Variants in SYT2 observed in about 807,000 individuals in gnomAD.
The protein encoded by SYT2 is synaptotagmin 2, also known as synaptotagmin-2.
Under a neutral mutation model 39.9 loss-of-function variants are expected in SYT2, and 15 were observed. The ratio of observed to expected loss-of-function variants is 0.38; its 90% CI spans 0.25 to 0.58. SYT2 has a LOEUF of 0.58. Among genes scored for constraint, SYT2 ranks in the 20% least tolerant of loss-of-function variants. The pLI is 0.70. For synonymous variants in SYT2, 181 were observed against 204.5 expected (o/e 0.89, Z 0.98); for missense variants, 389 against 530.3 (o/e 0.73, Z 2.62).
At chr1:202,612,712 C>G (rs1054787334) in intron 1 of SYT2, among the ~76,000 whole-genome samples, 5 of 152,184 alleles carry the variant, frequency 3.3e-5, no homozygotes, top group Admixed American at 2.0e-4. Context: ...GGGTTCCTTG[C>G]ATTTCCATAT....
chr1:202,642,229 C>G (rs555258648), intron 1 of SYT2, among the ~76,000 whole-genome samples: 1 of 152,268 alleles, frequency 6.6e-6, no homozygotes, highest in East Asian at 1.9e-4. Flanking sequence ...GCTGCGTTCA[C>G]AGCTCCACTT....
At chr1:202,682,997 G>A (rs113362842) in intron 1 of SYT2, among the ~76,000 whole-genome samples, 6 of 152,232 alleles carry the variant, frequency 3.9e-5, no homozygotes, top group African/African-American at 1.4e-4. Flanking sequence ...TTTGGAAAGG[G>A]GCTCAATTAT....
In SYT2 at chr1:202,704,311, G is replaced by A. The variant is rs1654194469; in HGVS notation, c.-18+5947C>T. On this transcript the variant is annotated intron_variant, in intron 1 of 8. Coordinates refer to ENST00000367268, the MANE Select transcript of SYT2 (RefSeq NM_177402.5). The stretch of plus-strand genomic sequence containing the variant: ...GAGAGGAGGAGAAACAACATGCCCT[G>A]GCCTTGGGGAGCGCCCAGGCTGATA... Among the ~76,000 whole-genome samples the A allele has an allele frequency of 2.0e-5, 3 of 152,186 alleles. No individual in the cohort carries two copies. The South Asian group carries it at 6.2e-4, about 32-fold the overall frequency.
intron 1 of SYT2, among the ~76,000 whole-genome samples, chr1:202,671,908 C>T (rs887505615): frequency 1.3e-5 from 2 of 152,314 alleles, no homozygotes; most frequent in South Asian, 2.1e-4. Context: ...AAAAATTTCT[C>T]TCCAGGGAAG....
At chr1:202,675,575 C>T (rs1653345013) in intron 1 of SYT2, among the ~76,000 whole-genome samples, 1 of 152,082 alleles carries the variant, frequency 6.6e-6, no homozygotes, top group South Asian at 2.1e-4. Context: ...GTTTCTAACC[C>T]ACATGTGGAT....
intron 1 of SYT2, among the ~76,000 whole-genome samples, chr1:202,644,559 C>A (rs560511524): frequency 1.4e-4 from 21 of 152,260 alleles, no homozygotes; most frequent in African/African-American, 5.1e-4. Context: ...CAGCTCCACC[C>A]CATCCTCGCC....
At chr1:202,632,520 T>C (rs1691622707) in intron 1 of SYT2, 1 of 984,118 alleles carries the variant, frequency 1.0e-6, no homozygotes, top group African/African-American at 1.7e-5. Context: ...CTAGGTAAGC[T>C]TGGCGCACAG....
chr1:202,615,701 C>T (rs573756584), intron 1 of SYT2, among the ~76,000 whole-genome samples: 2 of 152,218 alleles, frequency 1.3e-5, no homozygotes, highest in African/African-American at 2.4e-5. Context: ...GCAGTTCCTG[C>T]CATGCTGGCC....
chr1:202,694,834 A>G (rs989803768), intron 1 of SYT2, among the ~76,000 whole-genome samples: 1 of 151,616 alleles, frequency 6.6e-6, no homozygotes, highest in Non-Finnish European at 1.5e-5. Context: ...ATATATTTAT[A>G]TAAGTTGACT....
chr1:202,628,877 C>T lies in SYT2; in HGVS notation c.-17-23088G>A, dbSNP rs12045795. The stretch of plus-strand genomic sequence containing the variant: ...GGCAGACTGACCTGGACTGGAGTCT[C>T]GGCTCTTTTAGCCATGGGAACTTGA... On this transcript the variant is annotated intron_variant, in intron 1 of 8. Transcript: ENST00000367268. The surrounding 1 kb of genome is among the most constrained non-coding windows in gnomAD (Gnocchi z 4.2). 1.3e-5 allele frequency among the ~76,000 whole-genome samples: 2 copies of T among 152,194 alleles called. No homozygotes were observed. Among genetic ancestry groups the T allele is most frequent in the African/African-American group, 2.4e-5 (1 of 41,458 alleles).
In SYT2 at chr1:202,623,128, G is replaced by A. The variant is rs1000261705; in HGVS notation, c.-17-17339C>T. On this transcript the variant is annotated intron_variant, in intron 1 of 8. Transcript: ENST00000367268. The surrounding 1 kb of genome is among the most constrained non-coding windows in gnomAD (Gnocchi z 4.2). Reference sequence around the variant, plus strand: ...GGTGAGGGGGCAGAGGGATGCCCCCGCCAGGCAAGCCCCTCAGCACACCCT... The same window carrying A: ...GGTGAGGGGGCAGAGGGATGCCCCCACCAGGCAAGCCCCTCAGCACACCCT... Among the ~76,000 whole-genome samples, 40 of 152,280 alleles carry A rather than the reference G, an allele frequency of 2.6e-4. No individual in the cohort carries two copies. The highest frequency in any genetic ancestry group is 1.0e-3 in the South Asian group (5 of 4,826).
At chr1:202,706,728 T>C (rs1021581389) in intron 1 of SYT2, among the ~76,000 whole-genome samples, 5 of 152,200 alleles carry the variant, frequency 3.3e-5, no homozygotes, top group African/African-American at 1.2e-4. Context: ...CATAACTGAA[T>C]CCCAGCTTCT....
intron 1 of SYT2, among the ~76,000 whole-genome samples, chr1:202,658,875 T>C (rs891817455): frequency 1.3e-5 from 2 of 152,198 alleles, no homozygotes; most frequent in Non-Finnish European, 2.9e-5. Flanking sequence ...AGAAGGAGTA[T>C]GAAGTGGCCG....
chr1:202,657,339 T>C (rs1049642658), intron 1 of SYT2, among the ~76,000 whole-genome samples: 4 of 152,196 alleles, frequency 2.6e-5, no homozygotes, highest in African/African-American at 7.2e-5. Flanking sequence ...AGACCCAAAG[T>C]GGGCCTCTTT....
chr1:202,631,541 G>T (rs1445427354), intron 1 of SYT2, among the ~76,000 whole-genome samples: 1 of 152,134 alleles, frequency 6.6e-6, no homozygotes. Flanking sequence ...ACATCTTTGT[G>T]GATCAGCGGT....
chr1:202,599,203 C>T lies in SYT2; in HGVS notation c.1053+15G>A. 6.2e-7 allele frequency: 1 copy of T among 1,612,732 alleles called. No homozygotes were observed. The highest frequency in any genetic ancestry group is 8.5e-7 in the Non-Finnish European group (1 of 1,179,416). ...CAAACCCTGCTCCATGCCTAGGAAC[C>T]CAGGGCTCCAGCACCTGAATCTGCT... On this transcript the variant is annotated intron_variant, in intron 8 of 8. Transcript: ENST00000367268. The surrounding 1 kb of genome is among the most constrained non-coding windows in gnomAD (Gnocchi z 4.4).
chr1:202,620,486 T>C (rs1184121800), intron 1 of SYT2, among the ~76,000 whole-genome samples: 1 of 151,534 alleles, frequency 6.6e-6, no homozygotes, highest in East Asian at 1.9e-4. Flanking sequence ...TTCTATCATG[T>C]AGAGAGCTGT....
chr1:202,603,081 T>TC lies in SYT2; in HGVS notation c.382dup (p.Glu128GlyfsTer3). ...CTCTTTCTCCTCCTCCCCTTCACCT[T>TC]CCCCCTCAGTCAGGCCTGTCTCTGC... On this transcript the variant is annotated frameshift_variant, in exon 4 of 9. Transcript: ENST00000367268. LOFTEE classifies it high-confidence loss of function. The TC allele has an allele frequency of 6.2e-7, 1 of 1,613,654 alleles. No homozygotes were observed.
chr1:202,602,577 G>A, intron 4 of SYT2, 32 bp from the exon 5 acceptor site: 2 of 1,593,060 alleles, frequency 1.3e-6, no homozygotes, highest in Non-Finnish European at 8.5e-7. Context: ...AGGGGCCTGA[G>A]TCTCAGGACT....
Sources: allele counts gnomAD v4.1 joint callset (sites outside exome capture counted in the v4.1 genomes callset), GRCh38; gene constraint gnomAD v4.1.1; non-coding constraint Gnocchi (gnomAD v3.1); transcripts MANE v1.5; gene names NCBI Gene and HGNC (gene_info 2026-07-23, HGNC 2026-07-21).